ITGA5: variants seen among roughly 807,000 people sequenced by gnomAD.
The protein encoded by ITGA5 is integrin alpha-5.
A neutral mutation model predicts 146.3 loss-of-function variants in ITGA5; 55 were observed. The observed-to-expected ratio is 0.38, with a 90% CI of 0.30 to 0.47. The LOEUF (loss-of-function observed/expected upper bound fraction) is 0.47, where lower values mean the gene tolerates loss of function less well. Ranked by LOEUF, ITGA5 falls within the 20% of genes least tolerant of loss-of-function variation. The pLI, the probability that ITGA5 is intolerant of heterozygous loss-of-function variation, is 0.99. For synonymous variants in ITGA5, 500 were observed against 531.8 expected, an observed-to-expected ratio of 0.94 and a Z score of 0.82; for missense variants, 1,131 against 1,329.0, an observed-to-expected ratio of 0.85 and a Z score of 2.32.
At position 54,396,499 on chromosome 12, in the gene ITGA5, C is replaced by T; in HGVS notation, c.3067-123G>A. On this transcript the variant is annotated intron_variant, in intron 29 of 29. Coordinates refer to ENST00000293379, the MANE Select transcript of ITGA5 (RefSeq NM_002205.5). The stretch of plus-strand genomic sequence containing the variant: ...AACCTCTACATCCTGCAAAAGTGGC[C>T]TCTGAATTCAGGCTAGGACTACCCC... 6 of 767,736 alleles carry T rather than the reference C, an allele frequency of 7.8e-6. No homozygotes were observed. In the South Asian group the frequency reaches 1.0e-4, roughly 13 times the overall value. 47.6% of individuals were successfully genotyped at this position (767,736 alleles called of 1,614,324 possible).
In ITGA5 at chr12:54,401,634, C is replaced by A; in HGVS notation, c.2338G>T (p.Val780Phe). 2 of 1,614,198 alleles carry A rather than the reference C, an allele frequency of 1.2e-6. No homozygotes were observed. The highest frequency in any genetic ancestry group is 1.7e-6 in the Non-Finnish European group (2 of 1,180,040). Residue 780 changes from valine to phenylalanine, a missense_variant, in exon 23 of 30, where the codon GTT (valine) becomes TTT (phenylalanine). Val to Phe is a conservative substitution (Grantham distance 50). This residue lies in a region of ITGA5 where 889 missense variants were observed against 1,021.5 expected (regional missense o/e 0.87). Transcript: ENST00000293379. This position sits in a 1 kb window ranked among gnomAD's most constrained non-coding sequence, Gnocchi z 5.0. ...GCCTCCACGGAGAGCCGAAAGGAAA[C>A]CACGTCGCTTTGCGAGTTGTTGAGA... ...KNLNNSQSDV[V>F]SFRLSVEAQA...
intron 1 of ITGA5, among the ~76,000 whole-genome samples, chr12:54,417,127 A>G (rs1430925309): frequency 6.6e-6 from 1 of 151,618 alleles, no homozygotes; most frequent in Non-Finnish European, 1.5e-5. Context: ...GCAGAAGGGG[A>G]GGGGGAAGGG....
intron 1 of ITGA5, among the ~76,000 whole-genome samples, chr12:54,417,575 A>G (rs868585089): frequency 6.6e-6 from 1 of 152,104 alleles, no homozygotes; most frequent in Admixed American, 6.5e-5. Flanking sequence ...TCCTCCAGAC[A>G]AAGGAGAATT....
chr12:54,411,703 C>G (rs1329488849), intron 2 of ITGA5, 131 bp downstream of exon 2: 4 of 645,974 alleles, frequency 6.2e-6, no homozygotes, highest in Non-Finnish European at 9.4e-6. Flanking sequence ...GTTGGAGCAC[C>G]AGAGCTGGTG....
At position 54,399,963 on chromosome 12, in the gene ITGA5, T is replaced by C. The variant is rs749414907; in HGVS notation, c.2644-16A>G. On this transcript the variant is annotated splice_polypyrimidine_tract_variant and intron_variant, in intron 25 of 29. Transcript: ENST00000293379. Reference sequence around the variant, plus strand: ...CGGGATCCAACTATAAAAGAAAGTGTTGGGCCCCTTTCCCATCTCATTACA... The same window carrying C: ...CGGGATCCAACTATAAAAGAAAGTGCTGGGCCCCTTTCCCATCTCATTACA... 1 of 1,598,616 alleles carries C rather than the reference T, an allele frequency of 6.3e-7. No individual in the cohort carries two copies.
chr12:54,404,961 G>A, intron 12 of ITGA5, 67 bp from the exon 13 acceptor site: 1 of 1,333,512 alleles, frequency 7.5e-7, no homozygotes, highest in Non-Finnish European at 1.0e-6. Flanking sequence ...TCTACTACCA[G>A]ACCCCAGGAC....
Position 54,402,048 on chromosome 12 carries a change from G to A in ITGA5, c.2179C>T (p.Arg727Cys), listed in dbSNP as rs754279262. The change falls in exon 21 of 30, where the codon CGC (arginine) becomes TGC (cysteine). Residue 727 changes from arginine (R) to cysteine (C), a missense_variant. By Grantham distance (180) the Arg-to-Cys change is radical. This residue lies in a region of ITGA5 where 889 missense variants were observed against 1,021.5 expected (regional missense o/e 0.87). Coordinates refer to ENST00000293379, the MANE Select transcript of ITGA5 (RefSeq NM_002205.5). ...SCDYFAVNQSRLLVCDLGNPM... is the reference protein window; with the variant it reads ...SCDYFAVNQSCLLVCDLGNPM... ...TTGCCCAGGTCACACACCAGCAGGCGGCTCTGGTTCACGGCAAAGTAGTCA... is the reference window on the plus strand; with the variant it reads ...TTGCCCAGGTCACACACCAGCAGGCAGCTCTGGTTCACGGCAAAGTAGTCA... The A allele has an allele frequency of 2.2e-5, 35 of 1,614,060 alleles. No homozygotes were observed. Among genetic ancestry groups the A allele is most frequent in the African/African-American group, 5.3e-5 (4 of 74,908 alleles).
intron 12 of ITGA5, 61 bp downstream of exon 12, chr12:54,405,105 C>G: frequency 6.9e-7 from 1 of 1,457,064 alleles, no homozygotes; most frequent in Non-Finnish European, 9.3e-7. Flanking sequence ...GCCCTCTCCC[C>G]AAATCCCTTC....
chr12:54,407,373 A>AT, intron 9 of ITGA5: 1 of 494,672 alleles, frequency 2.0e-6, no homozygotes, highest in Admixed American at 3.3e-5. Flanking sequence ...TTTCACATGC[A>AT]TTTTCTCATT....
rs1462053892 is a variant in ITGA5, at chr12:54,401,647, C to T, written c.2325G>A (p.Ser775=). ...FQILSKNLNN[S]QSDVVSFRLS... is the part of the protein sequence containing the mutation. The stretch of plus-strand genomic sequence containing the variant: ...GCCGAAAGGAAACCACGTCGCTTTG[C>T]GAGTTGTTGAGATTCTTGCTGTGGG... The change falls in exon 23 of 30, where the codon TCG becomes TCA. Residue 775 remains serine, a synonymous_variant. Coordinates refer to ENST00000293379, the MANE Select transcript of ITGA5 (RefSeq NM_002205.5). The surrounding 1 kb of genome is among the most constrained non-coding windows in gnomAD (Gnocchi z 5.0). 1.3e-5 allele frequency: 21 copies of T among 1,614,026 alleles called. No homozygotes were observed. Among genetic ancestry groups the T allele is most frequent in the African/African-American group, 8.0e-5 (6 of 74,906 alleles).
At chr12:54,404,333 T>G in intron 14 of ITGA5, 87 bp from the exon 15 acceptor site, 2 of 1,565,462 alleles carry the variant, frequency 1.3e-6, no homozygotes, top group Non-Finnish European at 1.8e-6. Flanking sequence ...CCAGAATGTG[T>G]GTCCTCTGCA....
At chr12:54,398,833 CTCTTTTT>C in intron 27 of ITGA5, 135 bp from the exon 28 acceptor site, 3 of 390,636 alleles carry the variant, frequency 7.7e-6, no homozygotes, top group African/African-American at 2.6e-5. Flanking sequence ...CTCTCTCTCT[CTCTTTTT>C]TTTTTTTTTT....
chr12:54,402,801 C>G (rs1955805853), intron 19 of ITGA5, among the ~76,000 whole-genome samples, 182 bp downstream of exon 19: 1 of 152,134 alleles, frequency 6.6e-6, no homozygotes, highest in Non-Finnish European at 1.5e-5. Flanking sequence ...TAGATTATTT[C>G]ATTTAATCTT....
chr12:54,400,635 G>A, intron 25 of ITGA5: 1 of 526,074 alleles, frequency 1.9e-6, no homozygotes, highest in East Asian at 3.3e-5. Context: ...GGGAAACAAA[G>A]AAGGGATAGT....
chr12:54,402,383 G>T, intron 19 of ITGA5, 53 bp from the exon 20 acceptor site: 1 of 1,521,968 alleles, frequency 6.6e-7, no homozygotes, highest in East Asian at 2.3e-5. Flanking sequence ...CTCAAACCAG[G>T]ACAAAGGACC....
rs754580462 is a variant in ITGA5 at position 54,418,998 on chromosome 12, G to A, written c.201C>T (p.Tyr67=). 2 of 1,609,528 alleles carry A rather than the reference G, an allele frequency of 1.2e-6. No individual in the cohort carries two copies. Among genetic ancestry groups the A allele is most frequent in the Non-Finnish European group, 1.7e-6 (2 of 1,178,580 alleles). ...TCACTCACCCGTCTGTTCCCGGCCG[G>A]TAAAACTCCACTGAGAATCCGAAGA... ...GSFFGFSVEF[Y]RPGTDGVSVL... Residue 67 remains tyrosine (Y), a synonymous_variant, in exon 1 of 30, where the codon TAC becomes TAT. Transcript: ENST00000293379.
Position 54,409,059 on chromosome 12 carries a change from C to T in ITGA5, c.584-105G>A. 1.4e-6 allele frequency: 2 copies of T among 1,406,646 alleles called. No homozygotes were observed. The allele number at this position is 1,406,646 out of a possible 1,614,324, so 87.1% of individuals were successfully genotyped here. A position where few individuals can be genotyped will look rare whatever the true frequency, so the allele number is the denominator to read the frequency against. The stretch of plus-strand genomic sequence containing the variant: ...GTGGGAGAGAGAACCAGAGAAAGGG[C>T]CTTCCTGGACCAGACAGTAAGCATA... On this transcript the variant is annotated intron_variant, in intron 4 of 29. Transcript: ENST00000293379. This position sits in a 1 kb window ranked among gnomAD's most constrained non-coding sequence, Gnocchi z 4.7.
At chr12:54,415,604 T>G (rs1592294785) in intron 1 of ITGA5, among the ~76,000 whole-genome samples, 1 of 152,214 alleles carries the variant, frequency 6.6e-6, no homozygotes, top group African/African-American at 2.4e-5. Flanking sequence ...CATTGCCAAC[T>G]TATTCCCTCC....
intron 11 of ITGA5, 93 bp from the exon 12 acceptor site, chr12:54,405,467 A>G: frequency 8.7e-7 from 1 of 1,146,800 alleles, no homozygotes; most frequent in Non-Finnish European, 1.2e-6. Context: ...TCTGAATTCC[A>G]TCACGTCAGA....
Sources: allele counts gnomAD v4.1 joint callset (sites outside exome capture counted in the v4.1 genomes callset), GRCh38; gene constraint gnomAD v4.1.1; regional missense constraint gnomAD v4.1.1; non-coding constraint Gnocchi (gnomAD v3.1); transcripts MANE v1.5; gene names NCBI Gene and HGNC (gene_info 2026-07-23, HGNC 2026-07-21).